KIF21A: variants seen among roughly 807,000 people sequenced by gnomAD.
The protein encoded by KIF21A is kinesin family member 21A, also known as kinesin-like protein KIF21A.
In KIF21A, 114 loss-of-function variants were observed where a neutral mutation model predicts 202.9. The ratio of observed to expected loss-of-function variants is 0.56; its 90% CI spans 0.48 to 0.66. The LOEUF is 0.66. Ranked by LOEUF, KIF21A falls within the 30% of genes least tolerant of loss-of-function variation. The pLI is 0.00. For missense variants in KIF21A, 1,677 were observed against 1,994.9 expected (o/e 0.84, Z 3.04); for synonymous variants, 667 against 670.8 (o/e 0.99, Z 0.09).
chr12:39,364,671 A>T (rs902062068), intron 6 of KIF21A, among the ~76,000 whole-genome samples: 1 of 152,206 alleles, frequency 6.6e-6, no homozygotes, highest in Non-Finnish European at 1.5e-5. Flanking sequence ...TGCAAAATTC[A>T]TATCAGTGAG....
chr12:39,341,534 T>C lies in KIF21A; in HGVS notation c.1892A>G (p.Asp631Gly). 6.2e-7 allele frequency: 1 copy of C among 1,613,270 alleles called. No homozygotes were observed. Among genetic ancestry groups the C allele is most frequent in the Non-Finnish European group, 8.5e-7 (1 of 1,179,600 alleles). ...TTCATCTGATTCAGAATCTGATTCATCAGAACTTTCACCCCCATCAATGTC... is the reference window on the plus strand; with the variant it reads ...TTCATCTGATTCAGAATCTGATTCACCAGAACTTTCACCCCCATCAATGTC... ...EDDIDGGESS[D>G]ESDSESDEKA... The change falls in exon 14 of 38, where the codon GAT becomes GGT. Residue 631 changes from aspartate to glycine, a missense_variant. This residue lies in a region of KIF21A where 966 missense variants were observed against 1,180.9 expected (regional missense o/e 0.82). Coordinates refer to ENST00000361418, the MANE Select transcript of KIF21A (RefSeq NM_001173464.2).
In KIF21A at chr12:39,294,462, C is replaced by A; in HGVS notation, c.4987G>T (p.Asp1663Tyr). The change falls in exon 38 of 38, where the codon GAC (aspartate) becomes TAC (tyrosine). Residue 1663 changes from aspartate to tyrosine, a missense_variant. Transcript: ENST00000361418. ...ARNLQDGQIS[D>Y]TGDLGEDIAS... ...ATATCTTCCCCCAGATCTCCTGTGTCAGAGATCTGACCATCTTGCAAATTG... is the reference window on the plus strand; with the variant it reads ...ATATCTTCCCCCAGATCTCCTGTGTAAGAGATCTGACCATCTTGCAAATTG... 1 of 1,613,716 alleles carries A rather than the reference C, an allele frequency of 6.2e-7. No individual in the cohort carries two copies. The highest frequency in any genetic ancestry group is 1.1e-5 in the South Asian group (1 of 91,064).
chr12:39,305,730 C>T (rs571559355), intron 34 of KIF21A, among the ~76,000 whole-genome samples: 14 of 152,280 alleles, frequency 9.2e-5, no homozygotes, highest in African/African-American at 2.2e-4. Flanking sequence ...TCCACCTAAA[C>T]ATCAATCTGC....
chr12:39,318,171 A>C lies in KIF21A; in HGVS notation c.3810T>G (p.Leu1270=). 5 of 1,613,656 alleles carry C rather than the reference A, an allele frequency of 3.1e-6. No individual in the cohort carries two copies. The highest frequency in any genetic ancestry group is 4.2e-6 in the Non-Finnish European group (5 of 1,179,620). Residue 1270 remains leucine, a synonymous_variant, in exon 29 of 38, where the codon CTT becomes CTG. Transcript: ENST00000361418. ...HSDSGTSEAS[L]SPPSSPPSRP... ...GGCTTGGTGGGGAAGAAGGAGGTGA[A>C]AGACTAGCCTCTGAAGTTCCAGAAT...
chr12:39,369,105 T>A (rs892950907), intron 3 of KIF21A, among the ~76,000 whole-genome samples: 2 of 152,150 alleles, frequency 1.3e-5, no homozygotes, highest in African/African-American at 4.8e-5. Context: ...TTGGCCTTAG[T>A]CATTAAGTTC....
In KIF21A at chr12:39,301,570, T is replaced by C; in HGVS notation, c.4841A>G (p.Asp1614Gly). ...RGGILKVWNM[D>G]TFMPVGEMKG... ...CATCTCTCCCACTGGCATAAAAGTA[T>C]CCATGTTCCAGACTTTCAAAATGCC... The change falls in exon 37 of 38, where the codon GAT becomes GGT. Residue 1614 changes from aspartate (D) to glycine (G), a missense_variant. Transcript: ENST00000361418. 6.2e-7 allele frequency: 1 copy of C among 1,614,036 alleles called. No individual in the cohort carries two copies.
intron 1 of KIF21A, among the ~76,000 whole-genome samples, chr12:39,403,761 A>C (rs1952360161): frequency 6.6e-6 from 1 of 152,210 alleles, no homozygotes; most frequent in South Asian, 2.1e-4. Context: ...TTAACTTTCA[A>C]AGCTATTAAA....
intron 27 of KIF21A, chr12:39,322,293 A>C (rs1266218961): frequency 6.0e-6 from 1 of 165,304 alleles, no homozygotes; most frequent in Non-Finnish European, 1.3e-5. Flanking sequence ...TAGGTAATTT[A>C]GAGCAAATTT....
intron 1 of KIF21A, among the ~76,000 whole-genome samples, chr12:39,430,055 A>G (rs761736476): frequency 1.6e-4 from 25 of 152,040 alleles, no homozygotes; most frequent in Non-Finnish European, 2.5e-4. Context: ...TTGTGATTCT[A>G]AAGTCCATGC....
chr12:39,431,480 T>G (rs1288930460), intron 1 of KIF21A, among the ~76,000 whole-genome samples: 1 of 152,274 alleles, frequency 6.6e-6, no homozygotes, highest in Non-Finnish European at 1.5e-5. Flanking sequence ...TAATTAATAA[T>G]AAGTCTGGAG....
At chr12:39,325,535 G>A (rs1313984120) in intron 26 of KIF21A, among the ~76,000 whole-genome samples, 35 of 145,350 alleles carry the variant, frequency 2.4e-4, no homozygotes, top group Non-Finnish European at 6.0e-5. Flanking sequence ...AGTAGACACG[G>A]GTTTTCGCCG....
In KIF21A at chr12:39,324,324, C is replaced by T. The variant is rs181988927; in HGVS notation, c.3457-1442G>A. On this transcript the variant is annotated intron_variant, in intron 26 of 37. Coordinates refer to ENST00000361418, the MANE Select transcript of KIF21A (RefSeq NM_001173464.2). ...GTTCTTTCAGGAGATGACCTTTAGG[C>T]CACCACTTCACATCTCTCTCTAATG... Among the ~76,000 whole-genome samples the T allele has an allele frequency of 3.3e-4, 51 of 152,246 alleles. No homozygotes were observed. The East Asian group carries it at 7.9e-3, about 24-fold the overall frequency.
In KIF21A at chr12:39,357,389, A is replaced by T; in HGVS notation, c.1264T>A (p.Phe422Ile). 1 of 1,614,130 alleles carries T rather than the reference A, an allele frequency of 6.2e-7. No homozygotes were observed. The highest frequency in any genetic ancestry group is 8.5e-7 in the Non-Finnish European group (1 of 1,179,962). ...GTCTGTAGCATAGCATTCTCATGAAACATGTCATTGATGCTTTCCACACCC... is the reference window on the plus strand; with the variant it reads ...GTCTGTAGCATAGCATTCTCATGAATCATGTCATTGATGCTTTCCACACCC... ...EEGVESINDM[F>I]HENAMLQTEN... Residue 422 changes from phenylalanine to isoleucine, a missense_variant, in exon 9 of 38, where the codon TTT (phenylalanine) becomes ATT (isoleucine). Around this residue, in one of 3 missense-constraint regions of KIF21A, gnomAD observed 966 missense variants for 1,180.9 expected, o/e 0.82. Transcript: ENST00000361418.
intron 10 of KIF21A, among the ~76,000 whole-genome samples, chr12:39,354,421 T>TC (rs1948619750): frequency 6.6e-6 from 1 of 152,154 alleles, no homozygotes; most frequent in South Asian, 2.1e-4. Context: ...TAACATCAGT[T>TC]CTTAGAATAA....
In KIF21A at chr12:39,442,366, C is replaced by G. The variant is rs1268915097; in HGVS notation, c.44+561G>C. Among the ~76,000 whole-genome samples, 3 of 152,138 alleles carry G rather than the reference C, an allele frequency of 2.0e-5. No individual in the cohort carries two copies. Among genetic ancestry groups the G allele is most frequent in the South Asian group, 2.1e-4 (1 of 4,824 alleles). ...ACACGCGGGGGCATGTCTAGATCCC[C>G]GTGATGCTGAAAAAGATGTCTCATT... On this transcript the variant is annotated intron_variant, in intron 1 of 37. Coordinates refer to ENST00000361418, the MANE Select transcript of KIF21A (RefSeq NM_001173464.2). This position sits in a 1 kb window ranked among gnomAD's most constrained non-coding sequence, Gnocchi z 5.0.
rs1424497663 is a variant in KIF21A at position 39,436,422 on chromosome 12, T to TTTTATATATATATATA, written c.44+6504_44+6505insTATATATATATATAAA. On this transcript the variant is annotated intron_variant, in intron 1 of 37. Transcript: ENST00000361418. Reference sequence around the variant, plus strand: ...TCAATAATTATAAGGGTTTACTATATTATATATATATATATATATATATAT... The same window carrying TTTTATATATATATATA: ...TCAATAATTATAAGGGTTTACTATATTTTATATATATATATATATATATATATATATATATATATAT... 1.2e-3 allele frequency among the ~76,000 whole-genome samples: 118 copies of TTTTATATATATATATA among 99,080 alleles called. 1 individual carries two copies. Among genetic ancestry groups the TTTTATATATATATATA allele is most frequent in the East Asian group, 7.1e-3 (19 of 2,690 alleles). 65.0% of individuals were successfully genotyped at this position (99,080 alleles called of 152,430 possible). A position where few individuals can be genotyped will look rare whatever the true frequency, so the allele number is the denominator to read the frequency against.
intron 26 of KIF21A, among the ~76,000 whole-genome samples, chr12:39,323,839 G>A (rs1267408619): frequency 6.6e-6 from 1 of 151,924 alleles, no homozygotes; most frequent in African/African-American, 2.4e-5. Context: ...GGCAGGGTGC[G>A]GTGGCTCACA....
intron 1 of KIF21A, among the ~76,000 whole-genome samples, chr12:39,379,972 T>G (rs1240592131): frequency 2.0e-5 from 3 of 152,228 alleles, no homozygotes; most frequent in Non-Finnish European, 4.4e-5. Flanking sequence ...ACTTTTTGTT[T>G]TTTTGTTTTT....
intron 37 of KIF21A, among the ~76,000 whole-genome samples, chr12:39,296,025 T>TTA (rs755289895): frequency 1.2e-5 from 1 of 86,774 alleles, no homozygotes; most frequent in Non-Finnish European, 2.1e-5. Flanking sequence ...GTTTGTTTGT[T>TTA]AAAAAAAAAA....
Sources: gnomAD v4.1 joint callset for allele counts (sites outside exome capture counted in the v4.1 genomes callset) on GRCh38, gnomAD v4.1.1 for gene constraint, gnomAD v4.1.1 regional missense constraint, Gnocchi (gnomAD v3.1) non-coding constraint, MANE v1.5 for transcripts, NCBI Gene and HGNC (gene_info 2026-07-23, HGNC 2026-07-21) for gene names.